LOC400499: variants seen among roughly 807,000 people sequenced by gnomAD.
At chr16:11,500,696 T>A in the LOC400499 span, 2,103 of 397,026 alleles carry the variant, frequency 5.3e-3, 22 homozygotes, top group East Asian at 0.018. Flanking sequence ...CCTCTGCTTA[T>A]CCTACGAGGG....
At chr16:11,449,251 G>T in the LOC400499 span, 1 of 696,766 alleles carries the variant, frequency 1.4e-6, no homozygotes, top group Non-Finnish European at 2.1e-6. Flanking sequence ...CGCCTAACCT[G>T]ACTGGTGCAG....
the LOC400499 span, among the ~76,000 whole-genome samples, chr16:11,428,129 T>G: frequency 1.3e-5 from 2 of 152,156 alleles, no homozygotes. Context: ...GGTTATTTCT[T>G]GATTATATGC....
chr16:11,519,543 C>A, the LOC400499 span, among the ~76,000 whole-genome samples: 2 of 152,026 alleles, frequency 1.3e-5, no homozygotes, highest in Non-Finnish European at 2.9e-5. Context: ...TCAAGACCAG[C>A]CTGGCCAACA....
chr16:11,410,287 C>T, the LOC400499 span, among the ~76,000 whole-genome samples: 2 of 152,268 alleles, frequency 1.3e-5, no homozygotes, highest in Non-Finnish European at 2.9e-5. Flanking sequence ...AACCCTGTCT[C>T]TACCAAAAAT....
At chr16:11,386,666 G>C in the LOC400499 span, among the ~76,000 whole-genome samples, 4 of 152,224 alleles carry the variant, frequency 2.6e-5, no homozygotes, top group Admixed American at 1.3e-4. Context: ...CCACAGGTTA[G>C]ACTCACCTGG....
the LOC400499 span, chr16:11,439,454 A>G: frequency 2.5e-6 from 1 of 398,814 alleles, no homozygotes; most frequent in Non-Finnish European, 4.4e-6. Context: ...TTGGCAGGCG[A>G]GTCAAGGTCA....
chr16:11,406,618 G>C, the LOC400499 span, among the ~76,000 whole-genome samples: 1 of 152,332 alleles, frequency 6.6e-6, no homozygotes, highest in South Asian at 2.1e-4. Flanking sequence ...TTTTAGTAGA[G>C]ACGGGGTTTC....
the LOC400499 span, among the ~76,000 whole-genome samples, chr16:11,493,292 G>A: frequency 6.6e-6 from 1 of 152,218 alleles, no homozygotes; most frequent in Non-Finnish European, 1.5e-5. Flanking sequence ...CAGGAAAGCA[G>A]CCATAGATAA....
chr16:11,450,673 C>G, the LOC400499 span: 3 of 1,536,074 alleles, frequency 2.0e-6, no homozygotes, highest in Non-Finnish European at 2.6e-6. Flanking sequence ...GCCCTGACTC[C>G]TGCAGCCCAC....
At chr16:11,468,621 T>C in the LOC400499 span, among the ~76,000 whole-genome samples, 2 of 152,150 alleles carry the variant, frequency 1.3e-5, no homozygotes, top group Non-Finnish European at 2.9e-5. Context: ...CCGTCATACC[T>C]GGCTTTTTCT....
At chr16:11,469,393 G>A in the LOC400499 span, 1 of 398,892 alleles carries the variant, frequency 2.5e-6, no homozygotes, top group Non-Finnish European at 4.4e-6. Flanking sequence ...GCTGGATTTA[G>A]TGCTGACCTC....
At chr16:11,383,083 T>TGAGAC in the LOC400499 span, among the ~76,000 whole-genome samples, 1 of 147,518 alleles carries the variant, frequency 6.8e-6, no homozygotes, top group East Asian at 1.9e-4. Flanking sequence ...TTTTTTTTTT[T>TGAGAC]GAGACGGAGT....
At chr16:11,454,717 T>C in the LOC400499 span, among the ~76,000 whole-genome samples, 1 of 152,196 alleles carries the variant, frequency 6.6e-6, no homozygotes, top group Non-Finnish European at 1.5e-5. Flanking sequence ...AGCTGCCCAA[T>C]TCAGTAATTA....
chr16:11,408,260 G>A, the LOC400499 span, among the ~76,000 whole-genome samples: 3 of 152,044 alleles, frequency 2.0e-5, no homozygotes, highest in South Asian at 6.2e-4. Flanking sequence ...TGGATTACGG[G>A]TGTGAGCTAC....
At chr16:11,432,691 A>C in the LOC400499 span, among the ~76,000 whole-genome samples, 91 of 152,354 alleles carry the variant, frequency 6.0e-4, no homozygotes, top group African/African-American at 2.1e-3. Context: ...GAGTTCCTAC[A>C]TGACACCATT....
At chr16:11,379,127 C>A in the LOC400499 span, among the ~76,000 whole-genome samples, 1 of 152,138 alleles carries the variant, frequency 6.6e-6, no homozygotes, top group Non-Finnish European at 1.5e-5. Context: ...TGGTGGCATA[C>A]GCCTGTAATC....
At chr16:11,525,253 TCGTATTC>T in the LOC400499 span, among the ~76,000 whole-genome samples, 1 of 146,562 alleles carries the variant, frequency 6.8e-6, no homozygotes, top group Non-Finnish European at 1.5e-5. Context: ...CCTGGTGCGA[TCGTATTC>T]CAGCCTGGGT....
At chr16:11,518,573 T>G in the LOC400499 span, among the ~76,000 whole-genome samples, 1 of 151,964 alleles carries the variant, frequency 6.6e-6, no homozygotes, top group African/African-American at 2.4e-5. Context: ...CTGGACATGC[T>G]GGGGGTCACA....
chr16:11,485,196 G>C, the LOC400499 span: 1 of 397,592 alleles, frequency 2.5e-6, no homozygotes, highest in Admixed American at 4.4e-5. Context: ...CAGGCTCCCT[G>C]GTGCCCACCT....
Sources: allele counts gnomAD v4.1 joint callset (sites outside exome capture counted in the v4.1 genomes callset), GRCh38; gene constraint gnomAD v4.1.1; transcripts MANE v1.5.